KIAA0825: variants seen among roughly 807,000 people sequenced by gnomAD.
KIAA0825 encodes the protein KIAA0825, also known as uncharacterized protein KIAA0825.
A neutral mutation model predicts 147.6 loss-of-function variants in KIAA0825; 119 were observed. The observed-to-expected ratio is 0.81, with a 90% CI of 0.69 to 0.94. The LOEUF is 0.94. Ranked by LOEUF, KIAA0825 falls within the 40% of genes least tolerant of loss-of-function variation. KIAA0825 has a pLI of 0.00. For synonymous variants in KIAA0825, 470 were observed against 518.1 expected (o/e 0.91, Z 1.26); for missense variants, 1,381 against 1,472.7 (o/e 0.94, Z 1.02).
intron 5 of KIAA0825, among the ~76,000 whole-genome samples, chr5:94,512,668 C>A (rs898013552): frequency 2.7e-5 from 4 of 149,996 alleles, no homozygotes; most frequent in Non-Finnish European, 5.9e-5. Context: ...CTGAGGTGGG[C>A]GGATCATCTG....
At chr5:94,448,752 G>A (rs1584520304) in intron 13 of KIAA0825, among the ~76,000 whole-genome samples, 1 of 152,114 alleles carries the variant, frequency 6.6e-6, no homozygotes, top group African/African-American at 2.4e-5. Flanking sequence ...ATTTGGGGGT[G>A]AAAGACTCAC....
At chr5:94,593,217 T>G in intron 1 of KIAA0825, 1 of 759,194 alleles carries the variant, frequency 1.3e-6, no homozygotes, top group East Asian at 2.5e-5. Flanking sequence ...TAGAAAGGTT[T>G]GATATTAAAC....
chr5:94,505,385 C>T (rs1765627816), intron 5 of KIAA0825, among the ~76,000 whole-genome samples: 2 of 150,810 alleles, frequency 1.3e-5, no homozygotes, highest in African/African-American at 2.4e-5. Context: ...AAAAGTTAAT[C>T]TCATAAGTCT....
At chr5:94,285,721 T>C (rs1025517560) in intron 20 of KIAA0825, among the ~76,000 whole-genome samples, 1 of 152,208 alleles carries the variant, frequency 6.6e-6, no homozygotes, top group African/African-American at 2.4e-5. Flanking sequence ...AAGAAAGTTA[T>C]GAAGACTGAA....
intron 5 of KIAA0825, chr5:94,519,579 ATAG>A (rs1767783530): frequency 6.7e-6 from 4 of 592,808 alleles, no homozygotes; most frequent in Non-Finnish European, 8.5e-6. Context: ...TATAGAAAAA[ATAG>A]TAGAGAAACT....
chr5:94,230,378 A>G (rs1473524903), intron 20 of KIAA0825, among the ~76,000 whole-genome samples: 1 of 152,168 alleles, frequency 6.6e-6, no homozygotes, highest in African/African-American at 2.4e-5. Flanking sequence ...GAAACTTCCA[A>G]CTTTCTACTA....
chr5:94,308,202 G>A (rs1385193269), intron 20 of KIAA0825, among the ~76,000 whole-genome samples: 1 of 151,780 alleles, frequency 6.6e-6, no homozygotes, highest in African/African-American at 2.4e-5. Flanking sequence ...TCTCTGCTAA[G>A]GGCAAAATAC....
intron 20 of KIAA0825, among the ~76,000 whole-genome samples, chr5:94,174,918 C>T (rs1768952220): frequency 6.6e-6 from 1 of 152,164 alleles, no homozygotes; most frequent in Non-Finnish European, 1.5e-5. Flanking sequence ...AGCTATCACC[C>T]TGGATGCCCT....
chr5:94,360,594 G>A lies in KIAA0825; in HGVS notation c.3710+23774C>T, dbSNP rs138833221. On this transcript the variant is annotated intron_variant, in intron 20 of 20. Coordinates refer to ENST00000682413, the MANE Select transcript of KIAA0825 (RefSeq NM_001145678.3). The stretch of plus-strand genomic sequence containing the variant: ...ATCTCTGGTCATCCTCACTGCTCAT[G>A]CATTAGCATGCTAAAAGACACTCCT... Among the ~76,000 whole-genome samples the A allele has an allele frequency of 3.0e-3, 451 of 152,314 alleles. 2 individuals are homozygous for A. The highest frequency in any genetic ancestry group is 5.2e-3 in the Non-Finnish European group (354 of 68,018).
At chr5:94,573,943 T>C (rs1484520039) in intron 2 of KIAA0825, among the ~76,000 whole-genome samples, 1 of 152,178 alleles carries the variant, frequency 6.6e-6, no homozygotes, top group African/African-American at 2.4e-5. Context: ...CTTAGAAATT[T>C]GGGCAAGATA....
chr5:94,438,913 G>A (rs1010257621), intron 14 of KIAA0825, among the ~76,000 whole-genome samples: 3 of 152,164 alleles, frequency 2.0e-5, no homozygotes, highest in Admixed American at 6.6e-5. Context: ...TAGCCAAGAC[G>A]AAAGTTCACT....
intron 5 of KIAA0825, among the ~76,000 whole-genome samples, chr5:94,493,793 C>T (rs1764014266): frequency 6.6e-6 from 1 of 152,028 alleles, no homozygotes; most frequent in East Asian, 1.9e-4. Flanking sequence ...TGGCCAATAT[C>T]TGCATTTTTT....
intron 1 of KIAA0825, among the ~76,000 whole-genome samples, chr5:94,592,376 T>C (rs1784501841): frequency 6.6e-6 from 1 of 152,058 alleles, no homozygotes; most frequent in Non-Finnish European, 1.5e-5. Context: ...ATCTTAAAGC[T>C]TCAAAATAGG....
chr5:94,193,566 TTGTACTC>T (rs1250375304), intron 20 of KIAA0825, among the ~76,000 whole-genome samples: 5 of 152,318 alleles, frequency 3.3e-5, no homozygotes, highest in Non-Finnish European at 5.9e-5. Flanking sequence ...TTTCAATTCT[TTGTACTC>T]TGTGCTTATT....
intron 15 of KIAA0825, chr5:94,412,991 A>G (rs1752965882): frequency 6.9e-6 from 1 of 145,622 alleles, no homozygotes; most frequent in African/African-American, 2.6e-5. Context: ...AGTTTCACTC[A>G]TTGCCCAGGC....
chr5:94,214,989 A>C (rs939721614), intron 20 of KIAA0825, among the ~76,000 whole-genome samples: 1 of 152,252 alleles, frequency 6.6e-6, no homozygotes, highest in Admixed American at 6.5e-5. Flanking sequence ...TATTAAAGTG[A>C]CATTAACTTG....
chr5:94,577,379 T>C (rs1160082491), intron 2 of KIAA0825, among the ~76,000 whole-genome samples: 3 of 152,146 alleles, frequency 2.0e-5, no homozygotes, highest in Admixed American at 2.0e-4. Flanking sequence ...GTTGCAAAAA[T>C]GAATGTGAAG....
intron 14 of KIAA0825, among the ~76,000 whole-genome samples, chr5:94,438,005 A>T (rs1048197218): frequency 1.3e-5 from 2 of 152,198 alleles, no homozygotes; most frequent in Non-Finnish European, 2.9e-5. Flanking sequence ...AGCCTTGCCT[A>T]CCTAGCTGGA....
intron 1 of KIAA0825, among the ~76,000 whole-genome samples, chr5:94,597,409 C>A (rs1785503567): frequency 6.6e-6 from 1 of 151,860 alleles, no homozygotes; most frequent in East Asian, 1.9e-4. Context: ...AGAGCACACT[C>A]CTAAATAACC....
Sources: allele counts gnomAD v4.1 joint callset (sites outside exome capture counted in the v4.1 genomes callset), GRCh38; gene constraint gnomAD v4.1.1; transcripts MANE v1.5; gene names NCBI Gene and HGNC (gene_info 2026-07-23, HGNC 2026-07-21).